The following RB1CC1 variants were observed in gnomAD, a reference collection of about 807,000 sequenced individuals.
RB1CC1 encodes the protein RB1-inducible coiled-coil protein 1.
Under a neutral mutation model 177.5 loss-of-function variants are expected in RB1CC1, and 46 were observed. The ratio of observed to expected loss-of-function variants is 0.26; its 90% CI spans 0.20 to 0.33. The LOEUF is 0.33. Ranked by LOEUF, RB1CC1 falls within the 10% of genes least tolerant of loss-of-function variation. The probability of loss-of-function intolerance (pLI) is 1.00; values close to 1 mark genes in which losing one functional copy is unlikely to be tolerated. For synonymous variants in RB1CC1, 666 were observed against 613.6 expected, an observed-to-expected ratio of 1.09 and a Z score of -1.26; for missense variants, 1,703 against 1,816.3, an observed-to-expected ratio of 0.94 and a Z score of 1.13.
Position 52,698,669 on chromosome 8 carries a change from GGTTTTTTTTTTTT to G in RB1CC1, c.-166-11715_-166-11703del, listed in dbSNP as rs1855697872. On this transcript the variant is annotated intron_variant, in intron 1 of 23. Coordinates refer to ENST00000025008, the MANE Select transcript of RB1CC1 (RefSeq NM_014781.5). ...AACAAAAACTGTATATGTAATGGTT[GGTTTTTTTTTTTT>G]TTTTTTTTTTTTTTTTTTTTTTTTT... Among the ~76,000 whole-genome samples, 2 of 22,770 alleles carry G rather than the reference GGTTTTTTTTTTTT, an allele frequency of 8.8e-5. 1 individual carries two copies. The highest frequency in any genetic ancestry group is 2.7e-4 in the African/African-American group (2 of 7,330). The allele number at this position is 22,770 out of a possible 152,430, so 14.9% of individuals were successfully genotyped here.
intron 5 of RB1CC1, among the ~76,000 whole-genome samples, chr8:52,677,793 G>A (rs1353705249): frequency 6.6e-6 from 1 of 151,768 alleles, no homozygotes; most frequent in East Asian, 1.9e-4. Context: ...AATAGAGTGG[G>A]GAAAAAAACT....
At chr8:52,705,672 A>G (rs1030204942) in intron 1 of RB1CC1, among the ~76,000 whole-genome samples, 1 of 152,162 alleles carries the variant, frequency 6.6e-6, no homozygotes, top group East Asian at 1.9e-4. Context: ...GAATTTAAAA[A>G]CTATCAATGG....
chr8:52,694,638 G>A (rs1367757434), intron 1 of RB1CC1, among the ~76,000 whole-genome samples: 1 of 152,192 alleles, frequency 6.6e-6, no homozygotes, highest in Non-Finnish European at 1.5e-5. Context: ...AGTGAGAGCT[G>A]CACATACTTT....
intron 1 of RB1CC1, among the ~76,000 whole-genome samples, chr8:52,696,296 C>T (rs560717673): frequency 6.6e-5 from 10 of 152,038 alleles, no homozygotes; most frequent in Admixed American, 3.3e-4. Context: ...CCCGCCTCGG[C>T]CTCCCAAAGT....
At position 52,661,642 on chromosome 8, in the gene RB1CC1, T is replaced by C. The variant is rs752409938; in HGVS notation, c.1251A>G (p.Ala417=). The change falls in exon 9 of 24, where the codon GCA becomes GCG. Residue 417 remains alanine (A), a synonymous_variant. Transcript: ENST00000025008. ...TTTGCAACATAATCATCAACTGATT[T>C]GCGTGACTCAGGCATAAATCAGGTA... ...SVLPDLCLSH[A]NQLMIMLQNH... 1 of 1,612,818 alleles carries C rather than the reference T, an allele frequency of 6.2e-7. No homozygotes were observed. The highest frequency in any genetic ancestry group is 8.5e-7 in the Non-Finnish European group (1 of 1,179,496).
chr8:52,631,341 C>A (rs913156776), intron 20 of RB1CC1, among the ~76,000 whole-genome samples: 1 of 152,248 alleles, frequency 6.6e-6, no homozygotes, highest in East Asian at 1.9e-4. Context: ...TAATGGCAAG[C>A]GCCTATGGTC....
At chr8:52,677,701 G>A (rs1186549291) in intron 5 of RB1CC1, among the ~76,000 whole-genome samples, 1 of 152,056 alleles carries the variant, frequency 6.6e-6, no homozygotes, top group Non-Finnish European at 1.5e-5. Context: ...TAAGTAAGAT[G>A]GTCTTTATGG....
chr8:52,661,802 G>T, intron 8 of RB1CC1, 83 bp from the exon 9 acceptor site: 1 of 1,072,518 alleles, frequency 9.3e-7, no homozygotes, highest in Non-Finnish European at 1.3e-6. Context: ...AAATCTTTAT[G>T]TTAAACACAA....
intron 18 of RB1CC1, among the ~76,000 whole-genome samples, chr8:52,637,485 GCAC>G (rs965414042): frequency 1.2e-4 from 18 of 152,030 alleles, no homozygotes; most frequent in Non-Finnish European, 2.1e-4. Flanking sequence ...CCACAGCTGT[GCAC>G]CACCACAGCC....
At chr8:52,650,027 C>A (rs1299611294) in intron 15 of RB1CC1, among the ~76,000 whole-genome samples, 1 of 152,120 alleles carries the variant, frequency 6.6e-6, no homozygotes, top group Non-Finnish European at 1.5e-5. Context: ...AGATTATGTG[C>A]CTTTTTCTTA....
chr8:52,655,223 T>C (rs1011297415), intron 15 of RB1CC1, among the ~76,000 whole-genome samples: 7 of 152,234 alleles, frequency 4.6e-5, no homozygotes, highest in Non-Finnish European at 5.9e-5. Context: ...ATGAGTATTA[T>C]AGAGCAGACA....
intron 1 of RB1CC1, among the ~76,000 whole-genome samples, chr8:52,692,182 T>C (rs1280440916): frequency 6.6e-6 from 1 of 152,208 alleles, no homozygotes; most frequent in East Asian, 1.9e-4. Context: ...GAGAATCTAG[T>C]TAGGTACCAG....
chr8:52,656,369 C>A lies in RB1CC1; in HGVS notation c.3460G>T (p.Glu1154Ter). ...HEEESNILKA[E>*]LNKVTSLHNQ... ...TGCAAAGATGTTACTTTGTTTAATT[C>A]AGCTTTAAGTATATTAGATTCTTCT... is the stretch of plus-strand genomic sequence containing the variant. The change falls in exon 15 of 24, where the codon GAA becomes TAA. Residue 1154 changes from glutamate (E) to a stop codon, truncating the protein, a stop_gained. Coordinates refer to ENST00000025008, the MANE Select transcript of RB1CC1 (RefSeq NM_014781.5). LOFTEE classifies it high-confidence loss of function. The A allele has an allele frequency of 6.2e-7, 1 of 1,611,162 alleles. No individual in the cohort carries two copies. The highest frequency in any genetic ancestry group is 8.5e-7 in the Non-Finnish European group (1 of 1,179,318).
chr8:52,636,501 T>C (rs1849152641), intron 18 of RB1CC1, among the ~76,000 whole-genome samples: 1 of 152,072 alleles, frequency 6.6e-6, no homozygotes, highest in Non-Finnish European at 1.5e-5. Context: ...CAAAAACAAA[T>C]TAGAAAATTT....
At chr8:52,713,360 G>A (rs1210742244) in intron 1 of RB1CC1, among the ~76,000 whole-genome samples, 1 of 152,220 alleles carries the variant, frequency 6.6e-6, no homozygotes, top group Non-Finnish European at 1.5e-5. Context: ...GGCGGTGGAA[G>A]AAACTATAGA....
chr8:52,642,985 A>AC, intron 16 of RB1CC1, 173 bp from the exon 17 acceptor site: 1 of 697,432 alleles, frequency 1.4e-6, no homozygotes, highest in Non-Finnish European at 2.0e-6. Flanking sequence ...CAAAGGTTCT[A>AC]CTTTCTTGGT....
In RB1CC1 at chr8:52,676,457, T is replaced by C; in HGVS notation, c.484A>G (p.Asn162Asp). Residue 162 changes from asparagine to aspartate, a missense_variant, in exon 6 of 24, where the codon AAT (asparagine) becomes GAT (aspartate). Asn to Asp is a conservative substitution (Grantham distance 23, BLOSUM62 1). Transcript: ENST00000025008. ...AIMANLEDCS[N>D]SYQKLLFKFE... ...TTGAAAAGTAGCTTTTGGTATGAAT[T>C]TGAACAGTCCTCCAGGTTGGCCATG... 1 of 1,613,658 alleles carries C rather than the reference T, an allele frequency of 6.2e-7. No homozygotes were observed. Among genetic ancestry groups the C allele is most frequent in the African/African-American group, 1.3e-5 (1 of 75,032 alleles).
chr8:52,673,591 G>C (rs1463171059), intron 7 of RB1CC1, among the ~76,000 whole-genome samples: 1 of 152,060 alleles, frequency 6.6e-6, no homozygotes, highest in Non-Finnish European at 1.5e-5. Context: ...GACCTGTGTA[G>C]TTTACTGTAT....
chr8:52,628,118 T>C lies in RB1CC1; in HGVS notation c.4550A>G (p.Asn1517Ser). 1 of 1,608,048 alleles carries C rather than the reference T, an allele frequency of 6.2e-7. No individual in the cohort carries two copies. The highest frequency in any genetic ancestry group is 8.5e-7 in the Non-Finnish European group (1 of 1,175,212). The change falls in exon 22 of 24, where the codon AAT (asparagine) becomes AGT (serine). Residue 1517 changes from asparagine (N) to serine (S), a missense_variant. Asn to Ser is a conservative substitution (Grantham distance 46, BLOSUM62 1). Transcript: ENST00000025008. Reference sequence around the variant, plus strand: ...AGGACTAACAGTAAATAACACATAATTGTCATGGCGTTCGTCTAGGATGAT... The same window carrying C: ...AGGACTAACAGTAAATAACACATAACTGTCATGGCGTTCGTCTAGGATGAT... ...VLIILDERHD[N>S]YVLFTVSPTL...
Sources: gnomAD v4.1 joint callset for allele counts (sites outside exome capture counted in the v4.1 genomes callset) on GRCh38, gnomAD v4.1.1 for gene constraint, MANE v1.5 for transcripts, NCBI Gene and HGNC (gene_info 2026-07-23, HGNC 2026-07-21) for gene names.